The following PIP5K1C variants were observed in gnomAD, a reference collection of about 807,000 sequenced individuals.
PIP5K1C encodes the protein phosphatidylinositol-4-phosphate 5-kinase type 1 gamma, also known as phosphatidylinositol 4-phosphate 5-kinase type-1 gamma.
A neutral mutation model predicts 80.1 loss-of-function variants in PIP5K1C; 45 were observed. That is an observed-to-expected ratio of 0.56 (90% CI 0.44 to 0.72). The LOEUF is 0.72. PIP5K1C is among the 30% of genes least tolerant of loss of function. PIP5K1C has a pLI of 0.00. For synonymous variants in PIP5K1C, 498 were observed against 420.1 expected (o/e 1.19, Z -2.27); for missense variants, 753 against 954.6 (o/e 0.79, Z 2.78).
intron 4 of PIP5K1C, 41 bp downstream of exon 4, chr19:3,661,830 G>A (rs1263233868): frequency 2.5e-6 from 4 of 1,607,098 alleles, no homozygotes; most frequent in Non-Finnish European, 3.4e-6. Context: ...AGAGCCACGT[G>A]TGTGCTGGGT....
At chr19:3,662,911 G>A (rs1277645215) in intron 3 of PIP5K1C, among the ~76,000 whole-genome samples, 1 of 152,152 alleles carries the variant, frequency 6.6e-6, no homozygotes, top group African/African-American at 2.4e-5. Context: ...GCCCAGGCTG[G>A]AATGCAGTGG....
chr19:3,678,569 G>GAAT (rs796139570), intron 1 of PIP5K1C, among the ~76,000 whole-genome samples: 2 of 97,610 alleles, frequency 2.0e-5, no homozygotes, highest in Non-Finnish European at 4.2e-5. Flanking sequence ...GAGGGATGGA[G>GAAT]GGAGGGATGG....
At chr19:3,660,919 C>T (rs1204646690) in intron 5 of PIP5K1C, 47 bp downstream of exon 5, 3 of 1,468,472 alleles carry the variant, frequency 2.0e-6, no homozygotes, top group Admixed American at 1.7e-5. Flanking sequence ...AGACCCTGAA[C>T]ATGTTCTGTT....
At position 3,648,412 on chromosome 19, in the gene PIP5K1C, G is replaced by A. The variant is rs911850808; in HGVS notation, c.1211+213C>T. Among the ~76,000 whole-genome samples the A allele has an allele frequency of 6.6e-5, 10 of 152,212 alleles. No homozygotes were observed. The highest frequency in any genetic ancestry group is 1.2e-4 in the Non-Finnish European group (8 of 68,034). Reference sequence around the variant, plus strand: ...GAGCTTTCCAGGTTGAGGAAGCCCCGAGAGCTGCTGGTGCGGCTGTTTCCA... The same window carrying A: ...GAGCTTTCCAGGTTGAGGAAGCCCCAAGAGCTGCTGGTGCGGCTGTTTCCA... On this transcript the variant is annotated intron_variant, in intron 9 of 17. Coordinates refer to ENST00000335312, the MANE Select transcript of PIP5K1C (RefSeq NM_012398.3). The surrounding 1 kb of genome is among the most constrained non-coding windows in gnomAD (Gnocchi z 4.3).
chr19:3,665,205 C>A (rs541685822), intron 2 of PIP5K1C, among the ~76,000 whole-genome samples: 10 of 152,286 alleles, frequency 6.6e-5, no homozygotes, highest in African/African-American at 2.4e-4. Flanking sequence ...CAGCTCCAGC[C>A]CTCTAATTCC....
intron 1 of PIP5K1C, among the ~76,000 whole-genome samples, chr19:3,684,040 C>A (rs1294964630): frequency 6.6e-6 from 1 of 151,926 alleles, no homozygotes; most frequent in African/African-American, 2.4e-5. Flanking sequence ...GCAGGCCCGG[C>A]CCCCAGCACA....
chr19:3,637,907 G>A lies in PIP5K1C; in HGVS notation c.1920+977C>T. ...CAGGACGCGCACAAACCAGTCCCAG[G>A]AAAAGGGGTGACGACGTGCGGTGGG... On this transcript the variant is annotated intron_variant, in intron 16 of 17. Coordinates refer to ENST00000335312, the MANE Select transcript of PIP5K1C (RefSeq NM_012398.3). This position sits in a 1 kb window ranked among gnomAD's most constrained non-coding sequence, Gnocchi z 7.0. 3 of 1,535,394 alleles carry A rather than the reference G, an allele frequency of 2.0e-6. No homozygotes were observed. Among genetic ancestry groups the A allele is most frequent in the Non-Finnish European group, 2.6e-6 (3 of 1,146,702 alleles).
At chr19:3,647,226 TG>T in intron 10 of PIP5K1C, 111 bp downstream of exon 10, 1 of 630,840 alleles carries the variant, frequency 1.6e-6, no homozygotes, top group South Asian at 1.7e-5. Flanking sequence ...GGAGGAGGGA[TG>T]GGAGGAGGGT....
At chr19:3,678,195 G>A (rs1169275141) in intron 1 of PIP5K1C, among the ~76,000 whole-genome samples, 3 of 134,786 alleles carry the variant, frequency 2.2e-5, no homozygotes, top group Non-Finnish European at 4.8e-5. Context: ...GGAGAATGGA[G>A]GATGAAGGGA....
intron 16 of PIP5K1C, chr19:3,638,070 A>G (rs2033781946): frequency 6.9e-7 from 1 of 1,446,006 alleles, no homozygotes; most frequent in Admixed American, 2.6e-5. Context: ...ACAGGCCCTA[A>G]GGCCTGGTGC....
chr19:3,651,152 T>TCACGCCTGCCACGCC (rs1315737568), intron 8 of PIP5K1C, among the ~76,000 whole-genome samples: 6 of 148,956 alleles, frequency 4.0e-5, no homozygotes, highest in Admixed American at 3.4e-4. Context: ...CCTGCCACGC[T>TCACGCCTGCCACGCC]CACGCCTGCC....
intron 5 of PIP5K1C, among the ~76,000 whole-genome samples, chr19:3,658,594 C>T (rs1348118103): frequency 1.3e-5 from 2 of 152,234 alleles, no homozygotes; most frequent in African/African-American, 4.8e-5. Flanking sequence ...CAGGGGACCC[C>T]GCCAAGCCCT....
chr19:3,632,822 CA>C lies in PIP5K1C; in HGVS notation c.*344del, dbSNP rs2033506804. 3.0e-6 allele frequency: 1 copy of C among 328,280 alleles called. No homozygotes were observed. Among genetic ancestry groups the C allele is most frequent in the East Asian group, 6.9e-5 (1 of 14,598 alleles). 20.3% of individuals were successfully genotyped at this position (328,280 alleles called of 1,614,324 possible). ...GCAGAGAACCAAAGAGTGCAGTGGGCAGGGGCTCTTCTCCCTCTGGTTGGTT... is the reference window on the plus strand; with the variant it reads ...GCAGAGAACCAAAGAGTGCAGTGGGCGGGGCTCTTCTCCCTCTGGTTGGTT... On this transcript the variant is annotated 3_prime_UTR_variant, in exon 18 of 18. Coordinates refer to ENST00000335312, the MANE Select transcript of PIP5K1C (RefSeq NM_012398.3).
rs1362159858 is a variant in PIP5K1C, at chr19:3,683,994, C to T, written c.94+16303G>A. 9.3e-5 allele frequency among the ~76,000 whole-genome samples: 14 copies of T among 151,202 alleles called. 1 individual carries two copies. The South Asian group carries it at 2.7e-3, about 30-fold the overall frequency. Reference sequence around the variant, plus strand: ...CCCACACCTCCCCCATGTTGGAGCCCCCACCACCCCGACCAGTGCTGACTC... The same window carrying T: ...CCCACACCTCCCCCATGTTGGAGCCTCCACCACCCCGACCAGTGCTGACTC... On this transcript the variant is annotated intron_variant, in intron 1 of 17. Coordinates refer to ENST00000335312, the MANE Select transcript of PIP5K1C (RefSeq NM_012398.3).
intron 8 of PIP5K1C, 21 bp downstream of exon 8, chr19:3,651,805 G>A (rs370432767): frequency 8.7e-5 from 140 of 1,606,588 alleles, no homozygotes; most frequent in Admixed American, 2.3e-4. Context: ...GGACGGGTCC[G>A]GCGGCCCCCC....
chr19:3,636,318 C>T (rs990411342), intron 16 of PIP5K1C: 1 of 927,836 alleles, frequency 1.1e-6, no homozygotes, highest in Non-Finnish European at 1.3e-6. Context: ...AAGACCAGAA[C>T]CAAGGGCACA....
chr19:3,640,246 G>A (rs1377954023), intron 15 of PIP5K1C, among the ~76,000 whole-genome samples: 2 of 152,222 alleles, frequency 1.3e-5, no homozygotes, highest in Non-Finnish European at 2.9e-5. Flanking sequence ...CCGCCACGGG[G>A]CTCACGCCTG....
chr19:3,685,119 G>A (rs1042407551), intron 1 of PIP5K1C, among the ~76,000 whole-genome samples: 1 of 152,122 alleles, frequency 6.6e-6, no homozygotes, highest in African/African-American at 2.4e-5. Flanking sequence ...TGAAAAAGAC[G>A]CCCAGACCCC....
chr19:3,643,981 G>C (rs993097642), intron 12 of PIP5K1C, 106 bp downstream of exon 12: 9 of 1,349,188 alleles, frequency 6.7e-6, no homozygotes, highest in Non-Finnish European at 9.3e-6. Context: ...ATCCGGAGGG[G>C]GTGGCTGAGC....
Sources: gnomAD v4.1 joint callset for allele counts (sites outside exome capture counted in the v4.1 genomes callset) on GRCh38, gnomAD v4.1.1 for gene constraint, Gnocchi (gnomAD v3.1) non-coding constraint, MANE v1.5 for transcripts, NCBI Gene and HGNC (gene_info 2026-07-23, HGNC 2026-07-21) for gene names.